The following MAST4 variants were observed in gnomAD, a reference collection of about 807,000 sequenced individuals.
MAST4 encodes microtubule associated serine/threonine kinase family member 4.
A neutral mutation model predicts 162.7 loss-of-function variants in MAST4; 89 were observed. That is an observed-to-expected ratio of 0.55 (90% CI 0.46 to 0.65). The LOEUF is 0.65. Ranked by LOEUF, MAST4 falls within the 30% of genes least tolerant of loss-of-function variation. The pLI is 0.00. For synonymous variants in MAST4, 1,479 were observed against 1,361.1 expected (o/e 1.09, Z -1.91); for missense variants, 3,153 against 3,374.0 (o/e 0.93, Z 1.62).
chr5:66,600,260 C>T (rs1742469183), intron 1 of MAST4, among the ~76,000 whole-genome samples: 1 of 152,176 alleles, frequency 6.6e-6, no homozygotes, highest in Non-Finnish European at 1.5e-5. Flanking sequence ...GAAACTGTAT[C>T]TGACTTTGGC....
chr5:66,757,873 A>G (rs79364959), intron 1 of MAST4, among the ~76,000 whole-genome samples: 3,094 of 152,272 alleles, frequency 0.02, 106 homozygotes, highest in African/African-American at 0.069. Context: ...AAAGGAGGCA[A>G]AAATAACCTC....
At chr5:66,870,562 A>G (rs1760853761) in intron 3 of MAST4, among the ~76,000 whole-genome samples, 1 of 152,098 alleles carries the variant, frequency 6.6e-6, no homozygotes, top group Non-Finnish European at 1.5e-5. Context: ...ACACTTGCAC[A>G]TACAAGTTTG....
At chr5:67,093,251 G>T (rs923575181) in intron 6 of MAST4, among the ~76,000 whole-genome samples, 9 of 152,018 alleles carry the variant, frequency 5.9e-5, no homozygotes, top group African/African-American at 2.2e-4. Flanking sequence ...GTAACACCAA[G>T]ATTCCCACCC....
chr5:67,067,686 A>C (rs1011056639), intron 5 of MAST4, among the ~76,000 whole-genome samples: 1 of 152,138 alleles, frequency 6.6e-6, no homozygotes, highest in Non-Finnish European at 1.5e-5. Context: ...CTTTGCTGGT[A>C]CAGTTACTCT....
At chr5:66,851,608 G>C (rs764194619) in intron 3 of MAST4, among the ~76,000 whole-genome samples, 3 of 152,090 alleles carry the variant, frequency 2.0e-5, no homozygotes, top group Non-Finnish European at 4.4e-5. Flanking sequence ...CAGAGTCACC[G>C]TTTTCTTAAT....
At chr5:66,992,118 A>C (rs1750130887) in intron 4 of MAST4, among the ~76,000 whole-genome samples, 1 of 152,208 alleles carries the variant, frequency 6.6e-6, no homozygotes, top group Non-Finnish European at 1.5e-5. Context: ...GATGCCTGCA[A>C]ATCTTTTTCT....
intron 4 of MAST4, among the ~76,000 whole-genome samples, chr5:67,034,891 G>GA (rs1755816445): frequency 6.6e-6 from 1 of 152,112 alleles, no homozygotes; most frequent in African/African-American, 2.4e-5. Flanking sequence ...TATCTTCATT[G>GA]ATGAGTGCAC....
intron 6 of MAST4, among the ~76,000 whole-genome samples, chr5:67,092,018 G>T (rs555538024): frequency 2.0e-5 from 3 of 152,128 alleles, no homozygotes; most frequent in African/African-American, 7.2e-5. Flanking sequence ...ACTCAAATTG[G>T]TGTATTTTTA....
chr5:67,077,833 C>T (rs572052519), intron 5 of MAST4, among the ~76,000 whole-genome samples: 1 of 152,158 alleles, frequency 6.6e-6, no homozygotes, highest in Non-Finnish European at 1.5e-5. Flanking sequence ...GGTGCAGTGG[C>T]TCATGCCTAT....
chr5:67,145,404 C>G, intron 23 of MAST4, 25 bp downstream of exon 23: 1 of 1,592,370 alleles, frequency 6.3e-7, no homozygotes, highest in Non-Finnish European at 8.6e-7. Flanking sequence ...ATAGTGCCTG[C>G]TGTCCTCCTC....
intron 3 of MAST4, among the ~76,000 whole-genome samples, chr5:66,833,969 A>G (rs970534849): frequency 1.3e-5 from 2 of 152,200 alleles, no homozygotes; most frequent in African/African-American, 2.4e-5. Flanking sequence ...GGAGATAACT[A>G]AATGAGGCAT....
intron 1 of MAST4, among the ~76,000 whole-genome samples, chr5:66,639,951 G>A (rs1745377565): frequency 6.6e-6 from 1 of 152,084 alleles, no homozygotes; most frequent in Admixed American, 6.6e-5. Context: ...TGTGTGGTAA[G>A]AGCATCTAAA....
intron 4 of MAST4, among the ~76,000 whole-genome samples, chr5:67,034,381 T>G (rs1304670542): frequency 6.6e-6 from 1 of 152,124 alleles, no homozygotes; most frequent in Non-Finnish European, 1.5e-5. Flanking sequence ...CTCTTTAGGC[T>G]GGGTAGAGAT....
intron 1 of MAST4, among the ~76,000 whole-genome samples, chr5:66,678,484 G>A (rs1237364220): frequency 6.6e-6 from 1 of 151,456 alleles, no homozygotes; most frequent in African/African-American, 2.4e-5. Flanking sequence ...CATAAGGTGT[G>A]TACATATCAA....
intron 3 of MAST4, among the ~76,000 whole-genome samples, chr5:66,810,404 G>A (rs1756420468): frequency 6.6e-6 from 1 of 152,194 alleles, no homozygotes; most frequent in South Asian, 2.1e-4. Flanking sequence ...AGGTCCCCCT[G>A]GGTGTTGACA....
chr5:66,744,389 T>G (rs76526787), intron 1 of MAST4, among the ~76,000 whole-genome samples: 5,551 of 152,276 alleles, frequency 0.036, 316 homozygotes, highest in African/African-American at 0.13. Flanking sequence ...TAATATGAAG[T>G]CATGAAATGA....
chr5:67,017,342 TTTG>T (rs1753425839), intron 4 of MAST4, among the ~76,000 whole-genome samples: 1 of 152,182 alleles, frequency 6.6e-6, no homozygotes. Context: ...CTTTAGGAAC[TTTG>T]TTAAGGGTTA....
intron 14 of MAST4, 106 bp from the exon 15 acceptor site, chr5:67,130,104 C>A: frequency 1.0e-6 from 1 of 992,410 alleles, no homozygotes; most frequent in Non-Finnish European, 1.5e-6. Flanking sequence ...ATTCCACCTG[C>A]TGTGAGAACT....
chr5:66,735,805 G>A (rs1294284783), intron 1 of MAST4, among the ~76,000 whole-genome samples: 1 of 152,108 alleles, frequency 6.6e-6, no homozygotes, highest in Non-Finnish European at 1.5e-5. Flanking sequence ...CCCATTTGTG[G>A]TGTAATGTCA....
Sources: allele counts gnomAD v4.1 joint callset (sites outside exome capture counted in the v4.1 genomes callset), GRCh38; gene constraint gnomAD v4.1.1; transcripts MANE v1.5; gene names NCBI Gene and HGNC (gene_info 2026-07-23, HGNC 2026-07-21).